PREP: variants seen among roughly 807,000 people sequenced by gnomAD.
PREP encodes the protein prolyl endopeptidase.
PREP carries 29 observed loss-of-function variants against 87.6 expected under a neutral mutation model. The ratio of observed to expected loss-of-function variants is 0.33; its 90% CI spans 0.25 to 0.45. PREP has a LOEUF of 0.45. Among genes scored for constraint, PREP ranks in the 20% least tolerant of loss-of-function variants. PREP has a pLI of 1.00. For missense variants in PREP, 695 were observed against 886.5 expected (o/e 0.78, Z 2.74); for synonymous variants, 337 against 328.6 (o/e 1.03, Z -0.28).
At chr6:105,397,260 T>C (rs532040044) in intron 2 of PREP, among the ~76,000 whole-genome samples, 2 of 150,786 alleles carry the variant, frequency 1.3e-5, no homozygotes, top group Admixed American at 1.3e-4. Context: ...CTGTGGGACA[T>C]AGGACTTAGG....
intron 6 of PREP, among the ~76,000 whole-genome samples, chr6:105,359,079 C>T (rs1220568618): frequency 6.6e-6 from 1 of 152,138 alleles, no homozygotes; most frequent in African/African-American, 2.4e-5. Flanking sequence ...TTAACACGTG[C>T]CATCAACCAC....
intron 2 of PREP, among the ~76,000 whole-genome samples, chr6:105,397,412 G>A (rs941729025): frequency 7.2e-5 from 11 of 152,028 alleles, no homozygotes; most frequent in South Asian, 4.1e-4. Flanking sequence ...CTGTTGTTGT[G>A]TTGACATCAA....
At chr6:105,321,136 T>C (rs966180375) in intron 10 of PREP, among the ~76,000 whole-genome samples, 5 of 152,220 alleles carry the variant, frequency 3.3e-5, no homozygotes, top group African/African-American at 9.6e-5. Context: ...GTGTATGAGG[T>C]ATATAATCAG....
intron 10 of PREP, among the ~76,000 whole-genome samples, chr6:105,301,146 G>A (rs1236260692): frequency 6.6e-6 from 1 of 152,260 alleles, no homozygotes; most frequent in Non-Finnish European, 1.5e-5. Context: ...TATGAAAGAT[G>A]AAGGTAGGCT....
rs1304024244 is a variant in PREP at position 105,275,349 on chromosome 6, G to A, written c.*2795C>T. ...TGTAGCTGCTTAAGCTTTAGTGGGAGTATTTAAGAAACATGATTAATTGGA... is the reference window on the plus strand; with the variant it reads ...TGTAGCTGCTTAAGCTTTAGTGGGAATATTTAAGAAACATGATTAATTGGA... On this transcript the variant is annotated 3_prime_UTR_variant, in exon 15 of 15. Coordinates refer to ENST00000652536, the MANE Select transcript of PREP (RefSeq NM_002726.5). Among the ~76,000 whole-genome samples the A allele has an allele frequency of 6.6e-6, 1 of 152,204 alleles. No homozygotes were observed. The highest frequency in any genetic ancestry group is 6.5e-5 in the Admixed American group (1 of 15,280).
intron 10 of PREP, among the ~76,000 whole-genome samples, chr6:105,299,363 C>A (rs1404584748): frequency 1.3e-5 from 2 of 152,180 alleles, no homozygotes; most frequent in East Asian, 3.8e-4. Flanking sequence ...CTTTGGGAGG[C>A]CAAGACGGAC....
At chr6:105,363,623 C>A (rs533777126) in intron 6 of PREP, among the ~76,000 whole-genome samples, 67 of 152,284 alleles carry the variant, frequency 4.4e-4, no homozygotes, top group African/African-American at 1.6e-3. Context: ...CCCGAGGTCC[C>A]TGGCTGAAAG....
intron 10 of PREP, among the ~76,000 whole-genome samples, chr6:105,320,140 G>A (rs1240209983): frequency 1.3e-5 from 2 of 152,134 alleles, no homozygotes; most frequent in Non-Finnish European, 2.9e-5. Context: ...CTTTTTAAAA[G>A]ACAATGGCAC....
intron 2 of PREP, among the ~76,000 whole-genome samples, chr6:105,383,589 A>C (rs773051239): frequency 9.9e-5 from 15 of 152,166 alleles, no homozygotes; most frequent in Non-Finnish European, 1.9e-4. Flanking sequence ...AAAAGGGCTC[A>C]TAGTAAGCTT....
chr6:105,309,325 C>G (rs1311110735), intron 10 of PREP, among the ~76,000 whole-genome samples: 1 of 152,154 alleles, frequency 6.6e-6, no homozygotes, highest in African/African-American at 2.4e-5. Context: ...AGGATGTCAG[C>G]CCACTAATGC....
chr6:105,361,831 C>T (rs896665749), intron 6 of PREP, among the ~76,000 whole-genome samples: 3 of 152,018 alleles, frequency 2.0e-5, no homozygotes, highest in Non-Finnish European at 4.4e-5. Context: ...ATATATGAAA[C>T]TCATTTATGG....
intron 14 of PREP, chr6:105,281,494 GAATAACCAGGGTAGGA>G: frequency 2.6e-6 from 1 of 384,296 alleles, no homozygotes; most frequent in Admixed American, 4.2e-5. Context: ...GTAAGTGTTT[GAATAACCAGGGTAGGA>G]ATCTTGGGAG....
At chr6:105,288,641 AC>A in intron 11 of PREP, 116 bp downstream of exon 11, 1 of 1,318,034 alleles carries the variant, frequency 7.6e-7, no homozygotes, top group Non-Finnish European at 1.0e-6. Flanking sequence ...ATAGGTGTGA[AC>A]CCCCACGCCT....
intron 10 of PREP, among the ~76,000 whole-genome samples, chr6:105,311,671 C>T (rs6902999): frequency 0.15 from 22,921 of 152,190 alleles, 2,893 homozygotes; most frequent in African/African-American, 0.34. Flanking sequence ...CTCTTCACGT[C>T]GCTGCTACAT....
intron 10 of PREP, among the ~76,000 whole-genome samples, chr6:105,289,174 C>T (rs1360960266): frequency 6.6e-6 from 1 of 152,146 alleles, no homozygotes; most frequent in African/African-American, 2.4e-5. Context: ...TATCCTCTCC[C>T]AGCCTCAATT....
chr6:105,376,214 A>G lies in PREP; in HGVS notation c.296T>C (p.Val99Ala). Residue 99 changes from valine to alanine, a missense_variant, in exon 4 of 15, where the codon GTA becomes GCA. Coordinates refer to ENST00000652536, the MANE Select transcript of PREP (RefSeq NM_002726.5). Reference protein sequence around the residue: ...FYNTGLQNQRVLYVQDSLEGE... With the variant: ...FYNTGLQNQRALYVQDSLEGE... ...CTCTAAGGAATCCTGTACATATAATACTCGCTGGTTCTGCAAACCTGTATT... is the reference window on the plus strand; with the variant it reads ...CTCTAAGGAATCCTGTACATATAATGCTCGCTGGTTCTGCAAACCTGTATT... 6.2e-7 allele frequency: 1 copy of G among 1,613,622 alleles called. No homozygotes were observed. Among genetic ancestry groups the G allele is most frequent in the South Asian group, 1.1e-5 (1 of 91,026 alleles).
chr6:105,387,176 CACT>C (rs1773019169), intron 2 of PREP, among the ~76,000 whole-genome samples: 1 of 151,298 alleles, frequency 6.6e-6, no homozygotes, highest in African/African-American at 2.4e-5. Flanking sequence ...GGAGATCTGC[CACT>C]GCACTGCGGC....
intron 6 of PREP, among the ~76,000 whole-genome samples, chr6:105,365,184 T>C (rs1241320506): frequency 6.6e-6 from 1 of 152,108 alleles, no homozygotes; most frequent in Admixed American, 6.5e-5. Flanking sequence ...GAAGCGGAGG[T>C]TGCAGCGAGC....
intron 10 of PREP, among the ~76,000 whole-genome samples, chr6:105,316,648 A>C (rs1041642909): frequency 6.6e-6 from 1 of 152,252 alleles, no homozygotes; most frequent in East Asian, 1.9e-4. Flanking sequence ...TGACATAAAT[A>C]AACTAATGGA....
Sources: allele counts gnomAD v4.1 joint callset (sites outside exome capture counted in the v4.1 genomes callset), GRCh38; gene constraint gnomAD v4.1.1; transcripts MANE v1.5; gene names NCBI Gene and HGNC (gene_info 2026-07-23, HGNC 2026-07-21).